CACNA1D: variants seen among roughly 807,000 people sequenced by gnomAD.
CACNA1D encodes calcium voltage-gated channel subunit alpha1 D.
Under a neutral mutation model 257.1 loss-of-function variants are expected in CACNA1D, and 55 were observed. That is an observed-to-expected ratio of 0.21 (90% CI 0.17 to 0.27). CACNA1D has a LOEUF of 0.27. Ranked by LOEUF, CACNA1D falls within the 10% of genes least tolerant of loss-of-function variation. The probability of loss-of-function intolerance (pLI) is 1.00; values close to 1 mark genes in which losing one functional copy is unlikely to be tolerated. For synonymous variants in CACNA1D, 980 were observed against 1,014.9 expected, an observed-to-expected ratio of 0.97 and a Z score of 0.65; for missense variants, 1,876 against 2,784.0, an observed-to-expected ratio of 0.67 and a Z score of 7.34.
intron 3 of CACNA1D, among the ~76,000 whole-genome samples, chr3:53,566,801 G>A (rs2092850128): frequency 6.6e-6 from 1 of 152,150 alleles, no homozygotes; most frequent in Admixed American, 6.5e-5. Flanking sequence ...CACCATTTAG[G>A]CAGCTCTTCC....
At chr3:53,507,072 C>CAAAAAAAAAAAAAAAAAAAAAAAAAA (rs781421977) in intron 3 of CACNA1D, among the ~76,000 whole-genome samples, 1 of 56,706 alleles carries the variant, frequency 1.8e-5, no homozygotes, top group Non-Finnish European at 3.4e-5. Flanking sequence ...GACTCTATCT[C>CAAAAAAAAAAAAAAAAAAAAAAAAAA]AAAAAAAAAA....
At chr3:53,574,616 C>T (rs1412500658) in intron 3 of CACNA1D, among the ~76,000 whole-genome samples, 1 of 152,160 alleles carries the variant, frequency 6.6e-6, no homozygotes, top group African/African-American at 2.4e-5. Context: ...GAGCACTTCG[C>T]CATCACAGGC....
intron 8 of CACNA1D, among the ~76,000 whole-genome samples, chr3:53,702,197 CA>C: frequency 6.6e-6 from 1 of 152,144 alleles, no homozygotes; most frequent in Non-Finnish European, 1.5e-5. Flanking sequence ...AAAGTTTGTC[CA>C]AAAGCATTGA....
chr3:53,698,540 A>G (rs79865466), intron 8 of CACNA1D, among the ~76,000 whole-genome samples: 562 of 152,354 alleles, frequency 3.7e-3, no homozygotes, highest in Non-Finnish European at 6.0e-3. Flanking sequence ...GTTTGTTTCA[A>G]ATCACTTTCA....
chr3:53,677,167 C>G (rs2108439654), intron 8 of CACNA1D, among the ~76,000 whole-genome samples: 1 of 152,250 alleles, frequency 6.6e-6, no homozygotes, highest in South Asian at 2.1e-4. Context: ...GTTGGCTCTG[C>G]CTCCTTCTCC....
intron 3 of CACNA1D, among the ~76,000 whole-genome samples, chr3:53,601,291 A>G (rs969427411): frequency 6.6e-6 from 1 of 152,190 alleles, no homozygotes; most frequent in Admixed American, 6.5e-5. Flanking sequence ...AAGGTTTTCA[A>G]TGTGAAAATA....
chr3:53,682,388 A>AAAAAAAC (rs2094440324), intron 8 of CACNA1D, among the ~76,000 whole-genome samples: 1 of 134,010 alleles, frequency 7.5e-6, no homozygotes, highest in African/African-American at 2.8e-5. Flanking sequence ...AAAAAAAAAA[A>AAAAAAAC]AAAAAAAACA....
intron 3 of CACNA1D, among the ~76,000 whole-genome samples, chr3:53,632,215 C>T (rs2093829282): frequency 1.3e-5 from 2 of 152,254 alleles, no homozygotes; most frequent in Admixed American, 6.5e-5. Context: ...GGAGAACTTG[C>T]TGCAGCATCC....
chr3:53,520,653 C>G (rs1282633196), intron 3 of CACNA1D, among the ~76,000 whole-genome samples: 1 of 152,068 alleles, frequency 6.6e-6, no homozygotes, highest in Non-Finnish European at 1.5e-5. Context: ...GTAGTCCCAG[C>G]TACTTGGGAG....
intron 8 of CACNA1D, among the ~76,000 whole-genome samples, chr3:53,684,682 C>G (rs1261563446): frequency 1.4e-5 from 2 of 147,290 alleles, no homozygotes; most frequent in East Asian, 4.0e-4. Context: ...GATTTTTTCT[C>G]ATTTCTAAAT....
chr3:53,636,919 T>G (rs1168921153), intron 3 of CACNA1D, among the ~76,000 whole-genome samples: 2 of 152,266 alleles, frequency 1.3e-5, no homozygotes, highest in African/African-American at 4.8e-5. Flanking sequence ...GTGACTTGTG[T>G]CACTGATCTG....
chr3:53,545,964 A>C (rs1216919017), intron 3 of CACNA1D, among the ~76,000 whole-genome samples: 2 of 152,224 alleles, frequency 1.3e-5, no homozygotes. Context: ...AGGCAGTAGC[A>C]GTGTGAATCA....
chr3:53,809,307 C>G (rs1258172011), intron 46 of CACNA1D: 1 of 168,028 alleles, frequency 6.0e-6, no homozygotes, highest in Non-Finnish European at 1.3e-5. Flanking sequence ...GGGGCCGGAG[C>G]CCACTCACTA....
chr3:53,735,146 C>A (rs1203314058), intron 19 of CACNA1D, among the ~76,000 whole-genome samples: 1 of 152,218 alleles, frequency 6.6e-6, no homozygotes, highest in African/African-American at 2.4e-5. Context: ...GTCTGTGTGG[C>A]ACCCCCAGCA....
intron 3 of CACNA1D, among the ~76,000 whole-genome samples, chr3:53,539,003 TTTCTTTCC>T: frequency 6.6e-6 from 1 of 152,222 alleles, no homozygotes; most frequent in African/African-American, 2.4e-5. Flanking sequence ...CTTCCTCGAT[TTTCTTTCC>T]TGTTTGATCA....
At position 53,558,457 on chromosome 3, in the gene CACNA1D, A is replaced by G. The variant is rs148099613; in HGVS notation, c.483+56737A>G. ...TATTATAGGCCTGTTCCAATTTTCC[A>G]TTTCTTCTAGAGTCAGTTTCAGTAG... On this transcript the variant is annotated intron_variant, in intron 3 of 47. Transcript: ENST00000350061. Among the ~76,000 whole-genome samples the G allele has an allele frequency of 1.3e-3, 193 of 152,142 alleles. No homozygotes were observed. In the East Asian group the frequency reaches 0.027, roughly 21 times the overall value.
chr3:53,706,708 A>G (rs1292209451), intron 9 of CACNA1D, among the ~76,000 whole-genome samples: 1 of 152,128 alleles, frequency 6.6e-6, no homozygotes, highest in East Asian at 1.9e-4. Context: ...CTTTTAGTGT[A>G]ACCATCACCC....
rs543231326 is a variant in CACNA1D, at chr3:53,527,277, A to G, written c.483+25557A>G. Among the ~76,000 whole-genome samples, 53 of 152,330 alleles carry G rather than the reference A, an allele frequency of 3.5e-4. 2 individuals carry two copies. In the South Asian group the frequency reaches 0.011, roughly 32 times the overall value. On this transcript the variant is annotated intron_variant, in intron 3 of 47. Coordinates refer to ENST00000350061, the MANE Select transcript of CACNA1D (RefSeq NM_001128840.3). ...TCAGATATCCCATGTCTGTTGGAGC[A>G]TTCTTCTACTCCAGTGTGGATTTGC...
intron 45 of CACNA1D, 178 bp downstream of exon 45, chr3:53,805,324 A>C (rs1215903028): frequency 1.6e-4 from 103 of 637,690 alleles, no homozygotes; most frequent in East Asian, 1.9e-4. Context: ...TCCATATCTC[A>C]CGTGATAGAG....
Sources: allele counts gnomAD v4.1 joint callset (sites outside exome capture counted in the v4.1 genomes callset), GRCh38; gene constraint gnomAD v4.1.1; transcripts MANE v1.5; gene names NCBI Gene and HGNC (gene_info 2026-07-23, HGNC 2026-07-21).